The following TRERF1 variants were observed in gnomAD, a reference collection of about 807,000 sequenced individuals.
The protein encoded by TRERF1 is transcriptional regulating factor 1, also known as transcriptional-regulating factor 1.
TRERF1 carries 27 observed loss-of-function variants against 122.9 expected under a neutral mutation model. That is an observed-to-expected ratio of 0.22 (90% CI 0.16 to 0.30). The LOEUF is 0.30. Among genes scored for constraint, TRERF1 ranks in the 10% least tolerant of loss-of-function variants. The pLI is 1.00. For missense variants in TRERF1, 1,248 were observed against 1,560.3 expected (o/e 0.80, Z 3.37); for synonymous variants, 636 against 641.7 (o/e 0.99, Z 0.13).
In TRERF1 at chr6:42,389,042, C is replaced by T. The variant is rs563387282; in HGVS notation, c.-453-25963G>A. ...AGACACTCAGAGCAGGCCTTAAACACAATCTGAGAATGACAAAGACAAAAT... is the reference window on the plus strand; with the variant it reads ...AGACACTCAGAGCAGGCCTTAAACATAATCTGAGAATGACAAAGACAAAAT... On this transcript the variant is annotated intron_variant, in intron 2 of 17. Coordinates refer to ENST00000372922, the Ensembl canonical transcript of TRERF1. Among the ~76,000 whole-genome samples the T allele has an allele frequency of 5.3e-5, 8 of 152,146 alleles. No individual in the cohort carries two copies. The South Asian group carries it at 1.7e-3, about 32-fold the overall frequency.
chr6:42,264,808 T>A lies in TRERF1; in HGVS notation c.1531A>T (p.Lys511Ter). 1 of 1,614,222 alleles carries A rather than the reference T, an allele frequency of 6.2e-7. No individual in the cohort carries two copies. The change falls in exon 7 of 18, where the codon AAG (lysine) becomes TAG (stop). Residue 511 changes from lysine (K) to a stop codon, truncating the protein, a stop_gained. Transcript: ENST00000372922. LOFTEE classifies it high-confidence loss of function. ...TTCAGGCAGATGGAGCATGTCAGCT[T>A]GTTCTTGGCATCAAACTGCTCCCCA...
intron 9 of TRERF1, 22 bp from the exon 10 acceptor site, chr6:42,258,223 T>A: frequency 1.2e-6 from 2 of 1,612,212 alleles, no homozygotes; most frequent in Non-Finnish European, 1.7e-6. Context: ...AAATCAGAGG[T>A]CACTAGTCAA....
At chr6:42,317,121 C>T (rs58396714) in intron 3 of TRERF1, among the ~76,000 whole-genome samples, 2,315 of 152,150 alleles carry the variant, frequency 0.015, 46 homozygotes, top group African/African-American at 0.051. Context: ...TCAGCAGCTC[C>T]CATTCCCCTG....
chr6:42,232,632 C>G lies in TRERF1; in HGVS notation c.3278+49G>C. On this transcript the variant is annotated intron_variant, in intron 17 of 17. Coordinates refer to ENST00000372922, the Ensembl canonical transcript of TRERF1. The surrounding 1 kb of genome is among the most constrained non-coding windows in gnomAD (Gnocchi z 4.5). ...CCATCCTGGCCCAGCTCCCATAGAG[C>G]GACTACCCATCATGAACTCAGATTC... is the stretch of plus-strand genomic sequence containing the variant. 1 of 1,521,744 alleles carries G rather than the reference C, an allele frequency of 6.6e-7. No homozygotes were observed. The highest frequency in any genetic ancestry group is 8.9e-7 in the Non-Finnish European group (1 of 1,128,602). 94.3% of individuals were successfully genotyped at this position (1,521,744 alleles called of 1,614,324 possible). A position where few individuals can be genotyped will look rare whatever the true frequency, so the allele number is the denominator to read the frequency against.
chr6:42,410,839 A>C (rs1562158533), intron 2 of TRERF1, among the ~76,000 whole-genome samples: 1 of 152,212 alleles, frequency 6.6e-6, no homozygotes, highest in Non-Finnish European at 1.5e-5. Context: ...TATTCCACTG[A>C]TGACTTCTGC....
At chr6:42,339,647 C>T (rs1320337088) in intron 3 of TRERF1, among the ~76,000 whole-genome samples, 1 of 152,222 alleles carries the variant, frequency 6.6e-6, no homozygotes, top group Non-Finnish European at 1.5e-5. Flanking sequence ...TTCTATTTAA[C>T]AAACCTTGAA....
chr6:42,329,942 T>C (rs1764967988), intron 3 of TRERF1, among the ~76,000 whole-genome samples: 1 of 151,944 alleles, frequency 6.6e-6, no homozygotes, highest in African/African-American at 2.4e-5. Context: ...TGAGCCGAGA[T>C]TGTACCACTG....
At chr6:42,365,999 C>A (rs112590128) in intron 2 of TRERF1, among the ~76,000 whole-genome samples, 9 of 152,130 alleles carry the variant, frequency 5.9e-5, no homozygotes, top group African/African-American at 2.2e-4. Context: ...GTTTCCCATG[C>A]GTACCTCTGC....
At chr6:42,282,367 G>A (rs1371851927) in intron 4 of TRERF1, among the ~76,000 whole-genome samples, 3 of 152,160 alleles carry the variant, frequency 2.0e-5, no homozygotes, top group African/African-American at 7.2e-5. Flanking sequence ...GGGCAACATG[G>A]GGAAACCCTG....
chr6:42,442,102 A>G (rs1786627615), intron 2 of TRERF1, among the ~76,000 whole-genome samples: 1 of 152,116 alleles, frequency 6.6e-6, no homozygotes, highest in African/African-American at 2.4e-5. Context: ...TAACAAAGAA[A>G]AGCGAACTCA....
intron 3 of TRERF1, among the ~76,000 whole-genome samples, chr6:42,342,999 C>T (rs1023669831): frequency 2.0e-5 from 3 of 152,164 alleles, no homozygotes; most frequent in Admixed American, 2.0e-4. Flanking sequence ...CCACACCAGT[C>T]ACCTTGTTCC....
intron 16 of TRERF1, among the ~76,000 whole-genome samples, 194 bp from the exon 17 acceptor site, chr6:42,233,122 C>T (rs113274314): frequency 3.4e-4 from 52 of 152,122 alleles, no homozygotes; most frequent in African/African-American, 1.1e-3. Flanking sequence ...AGAGAAGAAG[C>T]GACGTGGCAC....
intron 2 of TRERF1, among the ~76,000 whole-genome samples, chr6:42,398,532 G>T (rs1212022915): frequency 1.3e-5 from 2 of 152,158 alleles, no homozygotes; most frequent in Non-Finnish European, 2.9e-5. Flanking sequence ...CATTCTGCCT[G>T]TGTGCTTACT....
intron 2 of TRERF1, among the ~76,000 whole-genome samples, chr6:42,436,800 C>CAAAAAAAAAAAAA (rs775861205): frequency 1.3e-5 from 1 of 77,550 alleles, no homozygotes; most frequent in African/African-American, 6.3e-5. Context: ...TCTCCCTCTA[C>CAAAAAAAAAAAAA]AAAAAAAAAA....
In TRERF1 at chr6:42,238,835, TCA is replaced by T. The variant is rs58223539; in HGVS notation, c.2860-2426_2860-2425del. On this transcript the variant is annotated intron_variant, in intron 15 of 17. Coordinates refer to ENST00000372922, the Ensembl canonical transcript of TRERF1. ...GAATGCCTGCTGAGAATCATGCATT[TCA>T]CACACACACACACACACACACACAC... 4.8e-3 allele frequency among the ~76,000 whole-genome samples: 684 copies of T among 143,086 alleles called. 4 individuals carry two copies. Among genetic ancestry groups the T allele is most frequent in the African/African-American group, 0.014 (545 of 38,602 alleles). The allele number at this position is 143,086 out of a possible 152,430, so 93.9% of individuals were successfully genotyped here. A position where few individuals can be genotyped will look rare whatever the true frequency, so the allele number is the denominator to read the frequency against.
At chr6:42,303,222 T>C (rs1786530603) in intron 3 of TRERF1, among the ~76,000 whole-genome samples, 2 of 152,196 alleles carry the variant, frequency 1.3e-5, no homozygotes, top group South Asian at 2.1e-4. Flanking sequence ...GTGTGTTCCC[T>C]ACCTTCATGG....
chr6:42,335,996 T>C (rs1284280966), intron 3 of TRERF1, among the ~76,000 whole-genome samples: 1 of 152,234 alleles, frequency 6.6e-6, no homozygotes, highest in Non-Finnish European at 1.5e-5. Context: ...TAGCCGCTGT[T>C]GAGCACTTGC....
chr6:42,305,782 G>C (rs868756438), intron 3 of TRERF1, among the ~76,000 whole-genome samples: 1 of 152,096 alleles, frequency 6.6e-6, no homozygotes. Flanking sequence ...GAGGAGGGAG[G>C]AATTAAATGT....
intron 2 of TRERF1, among the ~76,000 whole-genome samples, chr6:42,420,404 G>A (rs965830490): frequency 2.0e-5 from 3 of 152,086 alleles, no homozygotes; most frequent in South Asian, 2.1e-4. Context: ...ATCGCCTCCC[G>A]TGGTCCACCC....
Sources: allele counts gnomAD v4.1 joint callset (sites outside exome capture counted in the v4.1 genomes callset), GRCh38; gene constraint gnomAD v4.1.1; non-coding constraint Gnocchi (gnomAD v3.1); transcripts MANE v1.5; gene names NCBI Gene and HGNC (gene_info 2026-07-23, HGNC 2026-07-21).